The following OSBPL6 variants were observed in gnomAD, a reference collection of about 807,000 sequenced individuals.
The protein encoded by OSBPL6 is oxysterol binding protein like 6, also known as oxysterol-binding protein-related protein 6.
Under a neutral mutation model 125.8 loss-of-function variants are expected in OSBPL6, and 49 were observed. That is an observed-to-expected ratio of 0.39 (90% confidence interval 0.31 to 0.49). The LOEUF is 0.49. Ranked by LOEUF, OSBPL6 falls within the 20% of genes least tolerant of loss-of-function variation. The pLI, the probability that OSBPL6 is intolerant of heterozygous loss-of-function variation, is 0.88. For missense variants in OSBPL6, 986 were observed against 1,135.4 expected, an observed-to-expected ratio of 0.87 and a Z score of 1.89; for synonymous variants, 394 against 391.8, an observed-to-expected ratio of 1.01 and a Z score of -0.07.
intron 1 of OSBPL6, among the ~76,000 whole-genome samples, chr2:178,213,110 C>T (rs924465953): frequency 2.6e-5 from 4 of 152,086 alleles, no homozygotes; most frequent in Non-Finnish European, 5.9e-5. Flanking sequence ...CCCGGCCGAG[C>T]ACGGACCCTC....
intron 13 of OSBPL6, among the ~76,000 whole-genome samples, chr2:178,370,584 A>T (rs1345821924): frequency 6.6e-6 from 1 of 152,212 alleles, no homozygotes; most frequent in Non-Finnish European, 1.5e-5. Context: ...TTTCAGGATG[A>T]AAAGATACTA....
chr2:178,208,695 C>T lies in OSBPL6; in HGVS notation c.-351+14021C>T, dbSNP rs546840122. 6.6e-3 allele frequency among the ~76,000 whole-genome samples: 450 copies of T among 68,178 alleles called. 2 individuals are homozygous for T. Among genetic ancestry groups the T allele is most frequent in the Middle Eastern group, 0.023 (3 of 128 alleles). 44.7% of individuals were successfully genotyped at this position (68,178 alleles called of 152,430 possible). A position where few individuals can be genotyped will look rare whatever the true frequency, so the allele number is the denominator to read the frequency against. On this transcript the variant is annotated intron_variant, in intron 1 of 24. Transcript: ENST00000190611. Reference sequence around the variant, plus strand: ...CCCTCCTCTCCCCTCCCTTCCCCTCCATTTCCTTCCCCTCCCATCCTTTTC... The same window carrying T: ...CCCTCCTCTCCCCTCCCTTCCCCTCTATTTCCTTCCCCTCCCATCCTTTTC...
At chr2:178,294,106 A>G (rs1251332641) in intron 2 of OSBPL6, among the ~76,000 whole-genome samples, 1 of 152,168 alleles carries the variant, frequency 6.6e-6, no homozygotes, top group East Asian at 1.9e-4. Flanking sequence ...ATTCAGAAAA[A>G]CAAAGAATTA....
intron 18 of OSBPL6, among the ~76,000 whole-genome samples, chr2:178,384,657 A>G (rs1049997124): frequency 6.6e-6 from 1 of 152,170 alleles, no homozygotes; most frequent in East Asian, 1.9e-4. Flanking sequence ...GCATTTTTAC[A>G]TAGACAGTAG....
intron 2 of OSBPL6, among the ~76,000 whole-genome samples, chr2:178,293,242 C>A (rs1349313028): frequency 6.6e-6 from 1 of 152,032 alleles, no homozygotes; most frequent in Non-Finnish European, 1.5e-5. Flanking sequence ...TACAGTGTTG[C>A]TTAGATTTAC....
chr2:178,351,586 A>G lies in OSBPL6; in HGVS notation c.1153+2197A>G, dbSNP rs10196835. On this transcript the variant is annotated intron_variant, in intron 12 of 24. Transcript: ENST00000190611. ...ATTGGTGAAAGAAATTAAAGAGGAC[A>G]CAAATAAATGAAAGATATTCCATAC... is the stretch of plus-strand genomic sequence containing the variant. 9.6e-3 allele frequency among the ~76,000 whole-genome samples: 1,457 copies of G among 152,364 alleles called. 23 individuals are homozygous for G. The highest frequency in any genetic ancestry group is 0.033 in the African/African-American group (1,389 of 41,576).
At chr2:178,281,820 G>A (rs1684216196) in intron 1 of OSBPL6, among the ~76,000 whole-genome samples, 1 of 151,760 alleles carries the variant, frequency 6.6e-6, no homozygotes, top group South Asian at 2.1e-4. Context: ...GTGGGTGGGA[G>A]AGCATCAGGA....
At chr2:178,227,744 C>A (rs2090622120) in intron 1 of OSBPL6, among the ~76,000 whole-genome samples, 1 of 151,994 alleles carries the variant, frequency 6.6e-6, no homozygotes, top group Admixed American at 6.6e-5. Flanking sequence ...AAAATTATAA[C>A]CATAGTTTTT....
intron 9 of OSBPL6, among the ~76,000 whole-genome samples, chr2:178,337,598 T>C (rs1689802958): frequency 6.6e-6 from 1 of 152,224 alleles, no homozygotes; most frequent in Non-Finnish European, 1.5e-5. Context: ...CTGGCTTTCA[T>C]AGAACTTTCT....
chr2:178,358,220 TTAAAC>T (rs761751958), intron 12 of OSBPL6, among the ~76,000 whole-genome samples: 3 of 151,886 alleles, frequency 2.0e-5, no homozygotes, highest in Non-Finnish European at 2.9e-5. Flanking sequence ...ACCCTAGAAT[TTAAAC>T]TAAAATAAAA....
chr2:178,202,118 C>A (rs1399983001), intron 1 of OSBPL6, among the ~76,000 whole-genome samples: 4 of 152,080 alleles, frequency 2.6e-5, no homozygotes, highest in Admixed American at 2.6e-4. Flanking sequence ...ATGTAATAAA[C>A]CCCACATTAT....
chr2:178,226,079 A>G (rs2090549951), intron 1 of OSBPL6, among the ~76,000 whole-genome samples: 1 of 152,228 alleles, frequency 6.6e-6, no homozygotes, highest in South Asian at 2.1e-4. Context: ...CATAAGCAGC[A>G]AGGGAGGAAG....
intron 24 of OSBPL6, 144 bp from the exon 25 acceptor site, chr2:178,395,307 T>A (rs1056738168): frequency 2.6e-5 from 14 of 544,374 alleles, no homozygotes; most frequent in African/African-American, 9.7e-5. Context: ...TCAAAAATAG[T>A]CACATCATCA....
intron 1 of OSBPL6, among the ~76,000 whole-genome samples, chr2:178,279,730 C>G (rs966517661): frequency 4.6e-5 from 7 of 152,198 alleles, no homozygotes; most frequent in African/African-American, 1.7e-4. Context: ...CTTCCTATCT[C>G]TGAGTATATT....
Position 178,368,237 on chromosome 2 carries a change from A to G in OSBPL6, c.1288-3889A>G, listed in dbSNP as rs1693033186. On this transcript the variant is annotated intron_variant, in intron 13 of 24. Transcript: ENST00000190611. Reference sequence around the variant, plus strand: ...AAAGCTCATGGCGCTTGGTTGTAGCAAACTTTAAAAACAGCCTGTACGATC... The same window carrying G: ...AAAGCTCATGGCGCTTGGTTGTAGCGAACTTTAAAAACAGCCTGTACGATC... Among the ~76,000 whole-genome samples the G allele has an allele frequency of 3.3e-5, 5 of 152,180 alleles. No homozygotes were observed. The South Asian group carries it at 1.0e-3, about 32-fold the overall frequency.
chr2:178,391,235 G>A lies in OSBPL6; in HGVS notation c.2446+18G>A, dbSNP rs3765020. 41,303 of 1,580,556 alleles carry A rather than the reference G, an allele frequency of 0.026. 910 individuals are homozygous for A. Among genetic ancestry groups the A allele is most frequent in the East Asian group, 0.14 (6,240 of 44,140 alleles). ...GAGACCAGGTGAGAGTGGCCTGAGT[G>A]TTCTGCCAACAGGAGGGCACTATGG... On this transcript the variant is annotated intron_variant, in intron 22 of 24. Transcript: ENST00000190611.
At chr2:178,361,534 TC>T in intron 12 of OSBPL6, 147 bp from the exon 13 acceptor site, 2 of 868,024 alleles carry the variant, frequency 2.3e-6, no homozygotes, top group Non-Finnish European at 3.5e-6. Context: ...TGATAAAGAT[TC>T]CTTTTGAAGG....
intron 1 of OSBPL6, among the ~76,000 whole-genome samples, chr2:178,231,315 G>A (rs565362607): frequency 1.4e-4 from 22 of 152,140 alleles, no homozygotes; most frequent in Non-Finnish European, 3.1e-4. Flanking sequence ...AGGCCACCTT[G>A]TCTGCTTCTT....
At chr2:178,225,585 T>C (rs2090527760) in intron 1 of OSBPL6, among the ~76,000 whole-genome samples, 1 of 152,180 alleles carries the variant, frequency 6.6e-6, no homozygotes, top group Non-Finnish European at 1.5e-5. Flanking sequence ...TTTGTTTCCA[T>C]GCTGCTGATA....
Sources: gnomAD v4.1 joint callset for allele counts (sites outside exome capture counted in the v4.1 genomes callset) on GRCh38, gnomAD v4.1.1 for gene constraint, MANE v1.5 for transcripts, NCBI Gene and HGNC (gene_info 2026-07-23, HGNC 2026-07-21) for gene names.